PRR16: variants seen among roughly 807,000 people sequenced by gnomAD.
The protein encoded by PRR16 is proline rich 16.
Under a neutral mutation model 18.2 loss-of-function variants are expected in PRR16, and 6 were observed. The observed-to-expected ratio is 0.33, with a 90% CI of 0.18 to 0.65. The LOEUF is 0.65. Among genes scored for constraint, PRR16 ranks in the 30% least tolerant of loss-of-function variants. The pLI, the probability that PRR16 is intolerant of heterozygous loss-of-function variation, is 0.74. For missense variants in PRR16, 412 were observed against 376.6 expected (o/e 1.09, Z -0.78); for synonymous variants, 151 against 147.8 (o/e 1.02, Z -0.16).
intron 1 of PRR16, among the ~76,000 whole-genome samples, chr5:120,502,238 T>C (rs561546475): frequency 6.6e-6 from 1 of 151,022 alleles, no homozygotes; most frequent in African/African-American, 2.4e-5. Flanking sequence ...ACAGTTTCCT[T>C]TTATATGTTT....
chr5:120,647,742 A>G (rs1755646493), intron 1 of PRR16, among the ~76,000 whole-genome samples: 1 of 152,096 alleles, frequency 6.6e-6, no homozygotes, highest in African/African-American at 2.4e-5. Context: ...AGCCTAGAAA[A>G]TGTTGCAGAT....
At chr5:120,517,047 T>A (rs115439925) in intron 1 of PRR16, among the ~76,000 whole-genome samples, 1,782 of 152,220 alleles carry the variant, frequency 0.012, 48 homozygotes, top group African/African-American at 0.04. Context: ...AAGGCTGCTT[T>A]GGGATTTCCC....
At chr5:120,535,072 T>G (rs968674491) in intron 1 of PRR16, among the ~76,000 whole-genome samples, 1 of 87,840 alleles carries the variant, frequency 1.1e-5, no homozygotes, top group Non-Finnish European at 2.3e-5. Context: ...GAACTCACTT[T>G]ACACGTGTGT....
intron 1 of PRR16, among the ~76,000 whole-genome samples, chr5:120,509,010 A>T (rs1236147628): frequency 6.6e-6 from 1 of 152,102 alleles, no homozygotes; most frequent in Non-Finnish European, 1.5e-5. Flanking sequence ...AAAATTGTGA[A>T]GTTGAAAATA....
intron 1 of PRR16, among the ~76,000 whole-genome samples, chr5:120,508,374 T>C (rs1750713142): frequency 1.3e-5 from 2 of 152,180 alleles, no homozygotes; most frequent in Admixed American, 1.3e-4. Context: ...GTTTGGGTTT[T>C]CTTTTATATG....
At chr5:120,621,348 G>A (rs2112822002) in intron 1 of PRR16, among the ~76,000 whole-genome samples, 1 of 152,026 alleles carries the variant, frequency 6.6e-6, no homozygotes, top group East Asian at 1.9e-4. Flanking sequence ...TCTATTTTGT[G>A]ATCAGTCTGT....
intron 1 of PRR16, among the ~76,000 whole-genome samples, chr5:120,550,062 A>T (rs1182513185): frequency 6.6e-6 from 1 of 152,070 alleles, no homozygotes; most frequent in Admixed American, 6.6e-5. Flanking sequence ...AGAGGAGATT[A>T]GTATATGCTA....
Position 120,464,350 on chromosome 5 carries a change from C to T in PRR16, c.-137C>T. 1.1e-6 allele frequency: 1 copy of T among 937,892 alleles called. No homozygotes were observed. The highest frequency in any genetic ancestry group is 1.5e-6 in the Non-Finnish European group (1 of 686,680). 58.1% of individuals were successfully genotyped at this position (937,892 alleles called of 1,614,324 possible). A position where few individuals can be genotyped will look rare whatever the true frequency, so the allele number is the denominator to read the frequency against. On this transcript the variant is annotated 5_prime_UTR_variant, in exon 1 of 2. Transcript: ENST00000407149. ...CCGCCCGGCCGAGCGCGGAGCGCAGCCACTCGCCGCTGCCCAGGGAGCGCC... is the reference window on the plus strand; with the variant it reads ...CCGCCCGGCCGAGCGCGGAGCGCAGTCACTCGCCGCTGCCCAGGGAGCGCC...
At chr5:120,785,274 G>A in the PRR16 span, among the ~76,000 whole-genome samples, 2 of 152,138 alleles carry the variant, frequency 1.3e-5, no homozygotes, top group East Asian at 1.9e-4. Flanking sequence ...ACCATACGTG[G>A]GTATGAGAGT....
chr5:120,505,946 GTATATA>G lies in PRR16; in HGVS notation c.159+41320_159+41325del, dbSNP rs10635515. On this transcript the variant is annotated intron_variant, in intron 1 of 1. Transcript: ENST00000407149. The stretch of plus-strand genomic sequence containing the variant: ...TATATATGTGTGTATGTGTGTGTGT[GTATATA>G]TATATATATATATATATACACATTT... Among the ~76,000 whole-genome samples, 1,289 of 141,298 alleles carry G rather than the reference GTATATA, an allele frequency of 9.1e-3. 20 individuals are homozygous for G. The highest frequency in any genetic ancestry group is 0.031 in the African/African-American group (1,185 of 38,646). The allele number at this position is 141,298 out of a possible 152,430, so 92.7% of individuals were successfully genotyped here.
At chr5:120,742,942 A>C in the PRR16 span, among the ~76,000 whole-genome samples, 1 of 152,232 alleles carries the variant, frequency 6.6e-6, no homozygotes, top group Non-Finnish European at 1.5e-5. Context: ...TGCTTCCATC[A>C]TAACAGCTTG....
chr5:120,500,053 G>T lies in PRR16; in HGVS notation c.159+35408G>T, dbSNP rs940002771. ...CTTTTTCTGATACCATGCCAATGTG[G>T]AGTGGAGGTGCTTCTTTACAGTTTC... On this transcript the variant is annotated intron_variant, in intron 1 of 1. Coordinates refer to ENST00000407149, the MANE Select transcript of PRR16 (RefSeq NM_001300783.2). Among the ~76,000 whole-genome samples the T allele has an allele frequency of 1.6e-4, 24 of 151,412 alleles. 1 individual carries two copies. The South Asian group carries it at 1.7e-3, about 10-fold the overall frequency.
At chr5:120,770,078 TTA>T in the PRR16 span, among the ~76,000 whole-genome samples, 2 of 151,946 alleles carry the variant, frequency 1.3e-5, no homozygotes, top group Non-Finnish European at 2.9e-5. Context: ...AGTTACATTT[TTA>T]TAAAGTAAAG....
the PRR16 span, among the ~76,000 whole-genome samples, chr5:120,742,934 C>T: frequency 6.6e-6 from 1 of 152,230 alleles, no homozygotes; most frequent in Non-Finnish European, 1.5e-5. Context: ...CCAACCTGTG[C>T]TTCCATCATA....
chr5:120,514,926 A>C (rs1265978417), intron 1 of PRR16, among the ~76,000 whole-genome samples: 1 of 152,132 alleles, frequency 6.6e-6, no homozygotes, highest in African/African-American at 2.4e-5. Flanking sequence ...ACCCACTTCC[A>C]AATCTGCTTC....
the PRR16 span, among the ~76,000 whole-genome samples, chr5:120,770,924 A>ACTCTCTCTCTCTCTCT: frequency 2.6e-5 from 1 of 38,534 alleles, no homozygotes; most frequent in African/African-American, 8.7e-5. Context: ...ACTCATTGGA[A>ACTCTCTCTCTCTCTCT]CACTCTCTCT....
intron 1 of PRR16, among the ~76,000 whole-genome samples, chr5:120,547,469 G>A (rs1228089815): frequency 1.3e-5 from 2 of 152,034 alleles, no homozygotes; most frequent in Non-Finnish European, 2.9e-5. Flanking sequence ...AAGAAGGTTG[G>A]CTGAGTCTCT....
chr5:120,546,947 C>T (rs1369605785), intron 1 of PRR16, among the ~76,000 whole-genome samples: 1 of 152,064 alleles, frequency 6.6e-6, no homozygotes, highest in African/African-American at 2.4e-5. Flanking sequence ...TCGATACTCA[C>T]TCTTAGTTAC....
In PRR16 at chr5:120,507,796, T is replaced by TA. The variant is rs541912903; in HGVS notation, c.159+43159dup. On this transcript the variant is annotated intron_variant, in intron 1 of 1. Transcript: ENST00000407149. ...ATGACAGTTTGAGCTTGGGTGTCTT[T>TA]AAAAAAAATTACTGTCTGATGCAAG... 2.6e-5 allele frequency among the ~76,000 whole-genome samples: 4 copies of TA among 151,996 alleles called. No homozygotes were observed. In the East Asian group the frequency reaches 5.8e-4, roughly 22 times the overall value.
Sources: allele counts gnomAD v4.1 joint callset (sites outside exome capture counted in the v4.1 genomes callset), GRCh38; gene constraint gnomAD v4.1.1; transcripts MANE v1.5; gene names NCBI Gene and HGNC (gene_info 2026-07-23, HGNC 2026-07-21).